Variants in ACP3 observed in about 807,000 individuals in gnomAD.
ACP3 encodes acid phosphatase 3.
Under a neutral mutation model 45.6 loss-of-function variants are expected in ACP3, and 38 were observed. The ratio of observed to expected loss-of-function variants is 0.83; its 90% CI spans 0.64 to 1.09. The LOEUF is 1.09. ACP3 is among the 50% of genes least tolerant of loss of function. The pLI is 0.00. For synonymous variants in ACP3, 162 were observed against 164.7 expected (o/e 0.98, Z 0.13); for missense variants, 466 against 463.2 (o/e 1.01, Z -0.05).
intron 9 of ACP3, 66 bp downstream of exon 9, chr3:132,352,889 G>A (rs1017168176): frequency 1.7e-6 from 2 of 1,204,468 alleles, no homozygotes; most frequent in African/African-American, 1.5e-5. Flanking sequence ...TATTATTTTG[G>A]GTTAAGGGTT....
intron 2 of ACP3, among the ~76,000 whole-genome samples, chr3:132,328,679 C>CAAAAAAAAAA (rs553521994): frequency 4.3e-5 from 3 of 70,236 alleles, no homozygotes; most frequent in East Asian, 5.3e-4. Context: ...AACTCTATCT[C>CAAAAAAAAAA]AAAAAAAAAA....
At position 132,331,760 on chromosome 3, in the gene ACP3, C is replaced by A. The variant is rs777790234; in HGVS notation, c.303+27C>A. ...CAAGTTGGGGAGCCAAGAGTGGGAA[C>A]TTTGATCTTTGAAATAATTAAAATA... is the stretch of plus-strand genomic sequence containing the variant. On this transcript the variant is annotated intron_variant, in intron 3 of 9. Transcript: ENST00000336375. The A allele has an allele frequency of 4.6e-6, 7 of 1,522,628 alleles. No homozygotes were observed. In the Admixed American group the frequency reaches 1.3e-4, roughly 29 times the overall value. 94.3% of individuals were successfully genotyped at this position (1,522,628 alleles called of 1,614,324 possible). A position where few individuals can be genotyped will look rare whatever the true frequency, so the allele number is the denominator to read the frequency against.
intron 1 of ACP3, among the ~76,000 whole-genome samples, chr3:132,320,831 A>C (rs1937194403): frequency 6.6e-6 from 1 of 151,622 alleles, no homozygotes; most frequent in Admixed American, 6.6e-5. Context: ...TTGTATTTTT[A>C]ATAGAGACTG....
In ACP3 at chr3:132,346,768, C is replaced by CA. The variant is rs527693711; in HGVS notation, c.781+1711dup. 1.2e-3 allele frequency among the ~76,000 whole-genome samples: 179 copies of CA among 152,294 alleles called. 1 individual carries two copies. Among genetic ancestry groups the CA allele is most frequent in the African/African-American group, 4.3e-3 (177 of 41,552 alleles). The stretch of plus-strand genomic sequence containing the variant: ...AGCGGGACTCTTGATTTATTTCCCC[C>CA]AACCTAGTTATGGTGGATTCAGGCA... On this transcript the variant is annotated intron_variant, in intron 7 of 9. Coordinates refer to ENST00000336375, the MANE Select transcript of ACP3 (RefSeq NM_001099.5).
intron 1 of ACP3, 70 bp from the exon 2 acceptor site, chr3:132,328,197 C>A (rs75763236): frequency 8.5e-6 from 10 of 1,182,146 alleles, no homozygotes; most frequent in East Asian, 7.4e-5. Flanking sequence ...AAAAAAAAAA[C>A]TATTATAATG....
At chr3:132,329,564 A>T (rs367839908) in intron 2 of ACP3, among the ~76,000 whole-genome samples, 27 of 152,254 alleles carry the variant, frequency 1.8e-4, no homozygotes, top group African/African-American at 6.5e-4. Flanking sequence ...AGGCTACAAA[A>T]ATTCAGATTT....
intron 7 of ACP3, among the ~76,000 whole-genome samples, chr3:132,345,836 TG>T (rs1937602989): frequency 1.3e-5 from 2 of 152,122 alleles, no homozygotes. Context: ...CAAGGACAGA[TG>T]TTGGGGCTTA....
Position 132,358,384 on chromosome 3 carries a change from C to T in ACP3, c.*1506C>T, listed in dbSNP as rs991391021. 3.6e-5 allele frequency: 44 copies of T among 1,235,164 alleles called. No homozygotes were observed. The highest frequency in any genetic ancestry group is 2.6e-4 in the African/African-American group (17 of 64,960). 76.5% of individuals were successfully genotyped at this position (1,235,164 alleles called of 1,614,324 possible). On this transcript the variant is annotated 3_prime_UTR_variant, in exon 10 of 10. Coordinates refer to ENST00000336375, the MANE Select transcript of ACP3 (RefSeq NM_001099.5). ...AAAGGAATGTGTAAGTCTTTAATGC[C>T]GATATCTTCAGAAAACCTAAGCAAA...
intron 8 of ACP3, among the ~76,000 whole-genome samples, chr3:132,350,864 C>T (rs566177811): frequency 2.6e-5 from 4 of 152,238 alleles, no homozygotes; most frequent in African/African-American, 9.6e-5. Flanking sequence ...TATAGAATAA[C>T]TGGATGTTGG....
Position 132,345,028 on chromosome 3 carries a change from C to G in ACP3, c.750C>G (p.His250Gln). 6.2e-7 allele frequency: 1 copy of G among 1,613,572 alleles called. No individual in the cohort carries two copies. The change falls in exon 7 of 10, where the codon CAC becomes CAG. Residue 250 changes from histidine (H) to glutamine (Q), a missense_variant. Transcript: ENST00000336375. ...ELSLLSLYGIHKQKEKSRLQG... is the reference protein window; with the variant it reads ...ELSLLSLYGIQKQKEKSRLQG... ...CCCTCCTGTCCCTCTATGGAATTCACAAGCAGAAAGAGAAATCTAGGCTCC... is the reference window on the plus strand; with the variant it reads ...CCCTCCTGTCCCTCTATGGAATTCAGAAGCAGAAAGAGAAATCTAGGCTCC...
intron 1 of ACP3, among the ~76,000 whole-genome samples, chr3:132,320,699 G>A (rs1001771593): frequency 5.8e-4 from 87 of 150,300 alleles, no homozygotes; most frequent in African/African-American, 2.0e-3. Flanking sequence ...CGCCCAGGCT[G>A]GAGTGCAATG....
intron 1 of ACP3, among the ~76,000 whole-genome samples, chr3:132,319,369 A>T (rs1333805326): frequency 6.6e-6 from 1 of 152,236 alleles, no homozygotes; most frequent in Non-Finnish European, 1.5e-5. Context: ...GATAATAACC[A>T]ATAGTCAATT....
intron 6 of ACP3, among the ~76,000 whole-genome samples, chr3:132,344,330 C>T (rs992100112): frequency 2.7e-5 from 4 of 150,338 alleles, no homozygotes; most frequent in African/African-American, 9.8e-5. Flanking sequence ...CCTATAGTCC[C>T]AACTACTCAG....
intron 5 of ACP3, among the ~76,000 whole-genome samples, chr3:132,339,474 C>A (rs866966094): frequency 6.6e-6 from 1 of 152,212 alleles, no homozygotes; most frequent in African/African-American, 2.4e-5. Context: ...ACCCCCAACC[C>A]GCCACCTCAG....
intron 1 of ACP3, among the ~76,000 whole-genome samples, chr3:132,321,902 T>C (rs748449584): frequency 6.6e-6 from 1 of 152,156 alleles, no homozygotes; most frequent in Non-Finnish European, 1.5e-5. Flanking sequence ...ATAACAAATA[T>C]AATAATAAAT....
chr3:132,332,123 T>C (rs1379627998), intron 3 of ACP3, 69 bp from the exon 4 acceptor site: 4 of 1,571,664 alleles, frequency 2.5e-6, no homozygotes, highest in Non-Finnish European at 3.5e-6. Context: ...TCTAATACCT[T>C]GGCAGCTCTG....
chr3:132,364,348 A>AAAAAACAAAAAC (rs147584177), intron 10 of ACP3, among the ~76,000 whole-genome samples: 5 of 151,710 alleles, frequency 3.3e-5, no homozygotes, highest in Admixed American at 2.6e-4. Context: ...ACCCTATCTC[A>AAAAAACAAAAAC]AAAAACAAAA....
At chr3:132,351,819 T>C (rs953021025) in intron 8 of ACP3, among the ~76,000 whole-genome samples, 2 of 152,190 alleles carry the variant, frequency 1.3e-5, no homozygotes, top group Admixed American at 6.5e-5. Context: ...TTTGCAGATA[T>C]GGAAGTTGAG....
Position 132,352,836 on chromosome 3 carries a change from G to C in ACP3, c.968+13G>C. The C allele has an allele frequency of 1.9e-6, 3 of 1,565,282 alleles. No homozygotes were observed. Among genetic ancestry groups the C allele is most frequent in the African/African-American group, 2.7e-5 (2 of 73,880 alleles). ...ACTTTGAGAAGGGGTAAGTGACTAA[G>C]TGCTTTTCAAAATCAGTATCACTGG... On this transcript the variant is annotated intron_variant, in intron 9 of 9. Transcript: ENST00000336375.
Sources: allele counts gnomAD v4.1 joint callset (sites outside exome capture counted in the v4.1 genomes callset), GRCh38; gene constraint gnomAD v4.1.1; transcripts MANE v1.5; gene names NCBI Gene and HGNC (gene_info 2026-07-23, HGNC 2026-07-21).